Variants in KY observed in about 807,000 individuals in gnomAD.
KY encodes the protein kyphoscoliosis peptidase.
In KY, 43 loss-of-function variants were observed where a neutral mutation model predicts 76.1. That is an observed-to-expected ratio of 0.57 (90% confidence interval 0.44 to 0.73). KY has a LOEUF of 0.73. Among genes scored for constraint, KY ranks in the 30% least tolerant of loss-of-function variants. The pLI, the probability that KY is intolerant of heterozygous loss-of-function variation, is 0.00. For synonymous variants in KY, 277 were observed against 326.2 expected (o/e 0.85, Z 1.63); for missense variants, 722 against 828.9 (o/e 0.87, Z 1.58).
At chr3:134,624,099 C>G (rs543590707) in intron 6 of KY, among the ~76,000 whole-genome samples, 13 of 152,322 alleles carry the variant, frequency 8.5e-5, no homozygotes, top group African/African-American at 2.9e-4. Context: ...AAAACTTGCT[C>G]CTTCTCCCTT....
intron 1 of KY, among the ~76,000 whole-genome samples, chr3:134,647,909 C>T (rs868683336): frequency 1.3e-5 from 2 of 152,198 alleles, no homozygotes; most frequent in African/African-American, 2.4e-5. Context: ...GGGCTAAGAC[C>T]GTCAATCCCA....
intron 2 of KY, among the ~76,000 whole-genome samples, chr3:134,644,431 G>A (rs955203589): frequency 6.6e-6 from 1 of 152,182 alleles, no homozygotes; most frequent in African/African-American, 2.4e-5. Flanking sequence ...TACAGCTGCT[G>A]CTGTGGCCTG....
At chr3:134,607,333 G>C (rs764963504) in intron 10 of KY, 399 of 985,538 alleles carry the variant, frequency 4.0e-4, no homozygotes, top group South Asian at 1.6e-3. Flanking sequence ...GGACAAGTCA[G>C]TTGGAACTAA....
intron 1 of KY, among the ~76,000 whole-genome samples, chr3:134,648,492 G>T (rs1233725238): frequency 6.6e-6 from 1 of 152,186 alleles, no homozygotes; most frequent in South Asian, 2.1e-4. Flanking sequence ...GCAGCTATAG[G>T]CTATATCCTC....
intron 3 of KY, among the ~76,000 whole-genome samples, chr3:134,638,696 C>T (rs1965310031): frequency 6.6e-6 from 1 of 152,250 alleles, no homozygotes; most frequent in Non-Finnish European, 1.5e-5. Flanking sequence ...ACAAGAATGT[C>T]CACATGCTTA....
At chr3:134,614,721 A>G (rs1961185857) in intron 8 of KY, among the ~76,000 whole-genome samples, 1 of 152,106 alleles carries the variant, frequency 6.6e-6, no homozygotes, top group Admixed American at 6.5e-5. Context: ...TAGTGTATTA[A>G]TTTGGTATTA....
intron 5 of KY, among the ~76,000 whole-genome samples, 164 bp from the exon 6 acceptor site, chr3:134,625,299 G>C (rs1202514357): frequency 6.6e-6 from 1 of 152,210 alleles, no homozygotes; most frequent in East Asian, 1.9e-4. Context: ...TTTCCTAGAA[G>C]GGTCCCCTGA....
chr3:134,602,879 T>G lies in KY; in HGVS notation c.*700A>C, dbSNP rs1220806097. ...GCATGGGCTGCTCTTTGCTTTGCAG[T>G]CTCCTCACAACTTTCTGGTTGTCAC... On this transcript the variant is annotated 3_prime_UTR_variant, in exon 11 of 11. Transcript: ENST00000423778. Among the ~76,000 whole-genome samples the G allele has an allele frequency of 6.6e-6, 1 of 152,218 alleles. No homozygotes were observed. Among genetic ancestry groups the G allele is most frequent in the African/African-American group, 2.4e-5 (1 of 41,472 alleles).
intron 3 of KY, among the ~76,000 whole-genome samples, chr3:134,635,801 A>G (rs931053541): frequency 6.6e-6 from 1 of 152,196 alleles, no homozygotes; most frequent in Non-Finnish European, 1.5e-5. Context: ...AATTAAAACA[A>G]AAACTTGGAT....
Position 134,603,899 on chromosome 3 carries a change from C to T in KY, c.1666G>A (p.Val556Ile), listed in dbSNP as rs774377740. The change falls in exon 11 of 11, where the codon GTA becomes ATA. Residue 556 changes from valine (V) to isoleucine (I), a missense_variant. Physicochemically the swap from Val to Ile is conservative, Grantham distance 29 (BLOSUM62 3). Coordinates refer to ENST00000423778, the MANE Select transcript of KY (RefSeq NM_178554.6). ...TTCACCTTGGTGTTGGCACAGCATA[C>T]AAGGTAATTAAAGACGAAGATGTAG... ...GNYIFVFNYLVCCANTKVNWP... is the reference protein window; with the variant it reads ...GNYIFVFNYLICCANTKVNWP... The T allele has an allele frequency of 3.1e-6, 5 of 1,613,880 alleles. No individual in the cohort carries two copies. Among genetic ancestry groups the T allele is most frequent in the Admixed American group, 1.7e-5 (1 of 60,004 alleles).
rs559581656 is a variant in KY at position 134,610,401 on chromosome 3, G to A, written c.711-18C>T. The A allele has an allele frequency of 1.1e-5, 18 of 1,600,024 alleles. No homozygotes were observed. The South Asian group carries it at 2.0e-4, about 18-fold the overall frequency. Reference sequence around the variant, plus strand: ...CGGCGAGCCTGGGGGCAGGACAGGGGGTCTGAGAGGGGGATCCCGCTGTGG... The same window carrying A: ...CGGCGAGCCTGGGGGCAGGACAGGGAGTCTGAGAGGGGGATCCCGCTGTGG... On this transcript the variant is annotated intron_variant, in intron 8 of 10. Coordinates refer to ENST00000423778, the MANE Select transcript of KY (RefSeq NM_178554.6).
rs1244079669 is a variant in KY at position 134,600,862 on chromosome 3, C to A, written c.*2717G>T. ...CACAGCTTGTGCGTGACAAAGATGT[C>A]CTCCGTGTACACATAAGGTAGCGCT... On this transcript the variant is annotated 3_prime_UTR_variant, in exon 11 of 11. Coordinates refer to ENST00000423778, the MANE Select transcript of KY (RefSeq NM_178554.6). 6.6e-6 allele frequency: 1 copy of A among 152,240 alleles called. No homozygotes were observed. Among genetic ancestry groups the A allele is most frequent in the Admixed American group, 6.5e-5 (1 of 15,276 alleles). 9.4% of individuals were successfully genotyped at this position (152,240 alleles called of 1,614,324 possible).
intron 6 of KY, 106 bp from the exon 7 acceptor site, chr3:134,620,963 G>C: frequency 4.2e-6 from 3 of 721,012 alleles, no homozygotes; most frequent in Non-Finnish European, 7.3e-6. Flanking sequence ...AGGCAGAGAA[G>C]CTGGAGGAGA....
rs1413646152 is a variant in KY at position 134,627,985 on chromosome 3, G to A, written c.338-167C>T. 10 of 621,416 alleles carry A rather than the reference G, an allele frequency of 1.6e-5. No individual in the cohort carries two copies. In the East Asian group the frequency reaches 1.6e-4, roughly 10 times the overall value. 38.5% of individuals were successfully genotyped at this position (621,416 alleles called of 1,614,324 possible). On this transcript the variant is annotated intron_variant, in intron 4 of 10. Coordinates refer to ENST00000423778, the MANE Select transcript of KY (RefSeq NM_178554.6). ...TGACCACTGAATTGCTGCTTGAATT[G>A]CCAGGAACTTCCTGGTGTGGCAGAA...
intron 3 of KY, among the ~76,000 whole-genome samples, chr3:134,637,284 CT>C (rs1965104733): frequency 6.6e-6 from 1 of 152,220 alleles, no homozygotes; most frequent in Non-Finnish European, 1.5e-5. Context: ...CAAATACTTT[CT>C]GTGTGTCTTC....
intron 3 of KY, among the ~76,000 whole-genome samples, chr3:134,642,258 G>A (rs918237155): frequency 5.3e-5 from 8 of 152,182 alleles, no homozygotes; most frequent in African/African-American, 1.7e-4. Context: ...ATCCTCCGGG[G>A]CCTCCAGAGT....
At chr3:134,615,112 T>C (rs1226449744) in intron 8 of KY, 1 of 152,208 alleles carries the variant, frequency 6.6e-6, no homozygotes, top group Non-Finnish European at 1.5e-5. Flanking sequence ...GTGCTCTCTT[T>C]TCCCTTTTCT....
In KY at chr3:134,617,262, C is replaced by A. The variant is rs58865308; in HGVS notation, c.710+1886G>T. Among the ~76,000 whole-genome samples, 1,117 of 152,300 alleles carry A rather than the reference C, an allele frequency of 7.3e-3. 15 individuals carry two copies. Among genetic ancestry groups the A allele is most frequent in the African/African-American group, 0.026 (1,081 of 41,562 alleles). ...AAAATCAGAGGAAAATAATCATGTT[C>A]TGAAAGATGCTAGGCACAAATGGAG... On this transcript the variant is annotated intron_variant, in intron 8 of 10. Coordinates refer to ENST00000423778, the MANE Select transcript of KY (RefSeq NM_178554.6).
In KY at chr3:134,600,485, A is replaced by T. The variant is rs1389855782; in HGVS notation, c.*3094T>A. On this transcript the variant is annotated 3_prime_UTR_variant, in exon 11 of 11. Transcript: ENST00000423778. ...GGACAATGTAACATATGGGGAACTCACAATGATCATAATCAGATTGAAAAT... is the reference window on the plus strand; with the variant it reads ...GGACAATGTAACATATGGGGAACTCTCAATGATCATAATCAGATTGAAAAT... Among the ~76,000 whole-genome samples the T allele has an allele frequency of 2.0e-5, 3 of 152,224 alleles. No homozygotes were observed.
Sources: allele counts gnomAD v4.1 joint callset (sites outside exome capture counted in the v4.1 genomes callset), GRCh38; gene constraint gnomAD v4.1.1; transcripts MANE v1.5; gene names NCBI Gene and HGNC (gene_info 2026-07-23, HGNC 2026-07-21).